Variants in ZNF341 observed in about 807,000 individuals in gnomAD.
The protein encoded by ZNF341 is zinc finger protein 341.
A neutral mutation model predicts 87.7 loss-of-function variants in ZNF341; 52 were observed. The observed-to-expected ratio is 0.59, with a 90% CI of 0.47 to 0.75. The LOEUF is 0.75. Ranked by LOEUF, ZNF341 falls within the 30% of genes least tolerant of loss-of-function variation. ZNF341 has a pLI of 0.00. For missense variants in ZNF341, 977 were observed against 1,145.9 expected (o/e 0.85, Z 2.13); for synonymous variants, 459 against 472.7 (o/e 0.97, Z 0.38).
chr20:33,756,224 T>C (rs2055446542), intron 5 of ZNF341, among the ~76,000 whole-genome samples: 1 of 152,002 alleles, frequency 6.6e-6, no homozygotes, highest in Non-Finnish European at 1.5e-5. Context: ...AAAATCTGAA[T>C]GCCTCAGAAT....
At chr20:33,733,528 C>T (rs1231687243) in intron 1 of ZNF341, among the ~76,000 whole-genome samples, 1 of 152,000 alleles carries the variant, frequency 6.6e-6, no homozygotes, top group African/African-American at 2.4e-5. Context: ...TGAGCCACCG[C>T]GCCCGGCCAT....
In ZNF341 at chr20:33,786,244, T is replaced by TC. The variant is rs767228939; in HGVS notation, c.1852+2386dup. 3.8e-4 allele frequency among the ~76,000 whole-genome samples: 58 copies of TC among 151,920 alleles called. 1 individual carries two copies. In the East Asian group the frequency reaches 0.011, roughly 28 times the overall value. On this transcript the variant is annotated intron_variant, in intron 12 of 14. Coordinates refer to ENST00000375200, the MANE Select transcript of ZNF341 (RefSeq NM_001282933.2). The stretch of plus-strand genomic sequence containing the variant: ...GTCTCGAACTCCTGACCTCAAGTGA[T>TC]CCCCCCGCCCCAGCCTCCCAAAGTG...
chr20:33,742,562 C>A (rs2047254977), intron 2 of ZNF341, among the ~76,000 whole-genome samples: 1 of 151,966 alleles, frequency 6.6e-6, no homozygotes, highest in Non-Finnish European at 1.5e-5. Flanking sequence ...GTGATCCACC[C>A]ACTTCAGCTT....
chr20:33,745,576 G>A (rs2018901581), intron 3 of ZNF341, among the ~76,000 whole-genome samples: 1 of 152,074 alleles, frequency 6.6e-6, no homozygotes. Context: ...TATATAGCAG[G>A]TAAAAGGTTT....
Position 33,745,161 on chromosome 20 carries a change from G to T in ZNF341, c.201G>T (p.Ala67=), listed in dbSNP as rs926117896. The change falls in exon 3 of 15, where the codon GCG becomes GCT. Residue 67 remains alanine (A), a synonymous_variant. Coordinates refer to ENST00000375200, the MANE Select transcript of ZNF341 (RefSeq NM_001282933.2). ...KCKKQFNSLP[A]FMTHKREQCQ... Reference sequence around the variant, plus strand: ...AGAAGCAATTCAACTCGCTGCCAGCGTTTATGACCCACAAGCGGGAACAGT... The same window carrying T: ...AGAAGCAATTCAACTCGCTGCCAGCTTTTATGACCCACAAGCGGGAACAGT... 3 of 1,613,982 alleles carry T rather than the reference G, an allele frequency of 1.9e-6. No homozygotes were observed. The highest frequency in any genetic ancestry group is 1.7e-5 in the Admixed American group (1 of 59,972).
intron 4 of ZNF341, 52 bp from the exon 5 acceptor site, chr20:33,753,120 A>G: frequency 3.1e-6 from 5 of 1,609,714 alleles, no homozygotes; most frequent in Middle Eastern, 2.3e-4. Context: ...TTCCTGATAA[A>G]TAAGACAACT....
chr20:33,767,137 C>A, intron 9 of ZNF341, 96 bp downstream of exon 9: 2 of 1,397,662 alleles, frequency 1.4e-6, no homozygotes, highest in Non-Finnish European at 2.0e-6. Flanking sequence ...GGGTAGGAAC[C>A]AGTGAGTCAG....
chr20:33,747,382 G>A (rs564606053), intron 3 of ZNF341, among the ~76,000 whole-genome samples: 1 of 136,236 alleles, frequency 7.3e-6, no homozygotes, highest in South Asian at 2.1e-4. Context: ...TTGGGAGGCC[G>A]AGGCGGGCGG....
intron 3 of ZNF341, among the ~76,000 whole-genome samples, chr20:33,747,191 C>T (rs962964692): frequency 4.6e-5 from 7 of 152,256 alleles, no homozygotes; most frequent in South Asian, 4.1e-4. Flanking sequence ...CAACTGGCTT[C>T]CTTTTCTTTC....
rs1014968714 is a variant in ZNF341 at position 33,757,348 on chromosome 20, G to A, written c.937+5G>A. 6.8e-7 allele frequency: 1 copy of A among 1,461,132 alleles called. No individual in the cohort carries two copies. The highest frequency in any genetic ancestry group is 9.1e-7 in the Non-Finnish European group (1 of 1,100,586). 90.5% of individuals were successfully genotyped at this position (1,461,132 alleles called of 1,614,324 possible). ...GTGCCAGGGGACTCCCGGAAGGTGG[G>A]CCCCCAGCCTGCCATGGGCATCTTT... On this transcript the variant is annotated splice_donor_5th_base_variant and intron_variant, in intron 6 of 14. Transcript: ENST00000375200.
At chr20:33,740,828 G>T in intron 1 of ZNF341, 74 bp from the exon 2 acceptor site, 1 of 1,415,176 alleles carries the variant, frequency 7.1e-7, no homozygotes. Flanking sequence ...TTTTGCCTGG[G>T]TCTGGCTTGT....
Position 33,788,967 on chromosome 20 carries a change from C to T in ZNF341, c.1957C>T (p.Pro653Ser). Residue 653 changes from proline to serine, a missense_variant, in exon 13 of 15, where the codon CCT (proline) becomes TCT (serine). Coordinates refer to ENST00000375200, the MANE Select transcript of ZNF341 (RefSeq NM_001282933.2). Reference protein sequence around the residue: ...IHEPFKKYKCPFSTHTGCSKE... With the variant: ...IHEPFKKYKCSFSTHTGCSKE... ...CGAGCCCTTCAAGAAATACAAATGC[C>T]CTTTCTCGTGAGTAGAGACTGCCAT... is the stretch of plus-strand genomic sequence containing the variant. 1.2e-6 allele frequency: 2 copies of T among 1,613,772 alleles called. No individual in the cohort carries two copies. The highest frequency in any genetic ancestry group is 1.7e-6 in the Non-Finnish European group (2 of 1,179,816).
chr20:33,769,376 G>T (rs1453159853), intron 9 of ZNF341, among the ~76,000 whole-genome samples: 1 of 121,498 alleles, frequency 8.2e-6, no homozygotes, highest in African/African-American at 3.6e-5. Flanking sequence ...GGGTGGTGGT[G>T]GGGGGGGGGG....
chr20:33,753,080 C>T, intron 4 of ZNF341, 92 bp from the exon 5 acceptor site: 1 of 1,576,268 alleles, frequency 6.3e-7, no homozygotes, highest in Non-Finnish European at 8.6e-7. Context: ...GCTGTTTTTC[C>T]ACCTGGCTGG....
chr20:33,751,515 G>A (rs1345600296), intron 4 of ZNF341, among the ~76,000 whole-genome samples: 1 of 152,128 alleles, frequency 6.6e-6, no homozygotes, highest in Non-Finnish European at 1.5e-5. Context: ...CATGTGTGCT[G>A]TGTTTCTACC....
At chr20:33,733,124 G>A (rs990831724) in intron 1 of ZNF341, among the ~76,000 whole-genome samples, 2 of 152,006 alleles carry the variant, frequency 1.3e-5, no homozygotes, top group African/African-American at 4.8e-5. Flanking sequence ...TCGGCTCACT[G>A]CAACCTCCCC....
chr20:33,735,359 G>A (rs575715008), intron 1 of ZNF341, among the ~76,000 whole-genome samples: 2 of 152,030 alleles, frequency 1.3e-5, no homozygotes, highest in African/African-American at 4.8e-5. Context: ...TGTAGAGACA[G>A]GATCTCACTC....
At chr20:33,770,841 C>G (rs529116983) in intron 10 of ZNF341, among the ~76,000 whole-genome samples, 50 of 152,270 alleles carry the variant, frequency 3.3e-4, no homozygotes, top group African/African-American at 1.0e-3. Context: ...GAACAGTTGG[C>G]TGGGCGTGGT....
intron 5 of ZNF341, 58 bp from the exon 6 acceptor site, chr20:33,757,090 C>G (rs2019191175): frequency 2.2e-6 from 3 of 1,336,820 alleles, no homozygotes; most frequent in Middle Eastern, 2.4e-4. Context: ...GTGCCCCTGG[C>G]TGGGAGCTCT....
Sources: gnomAD v4.1 joint callset for allele counts (sites outside exome capture counted in the v4.1 genomes callset) on GRCh38, gnomAD v4.1.1 for gene constraint, MANE v1.5 for transcripts, NCBI Gene and HGNC (gene_info 2026-07-23, HGNC 2026-07-21) for gene names.